ITGA2: variants seen among roughly 807,000 people sequenced by gnomAD.
ITGA2 encodes the protein integrin alpha-2.
Under a neutral mutation model 146.3 loss-of-function variants are expected in ITGA2, and 101 were observed. The ratio of observed to expected loss-of-function variants is 0.69; its 90% CI spans 0.59 to 0.81. The LOEUF is 0.81. Among genes scored for constraint, ITGA2 ranks in the 40% least tolerant of loss-of-function variants. ITGA2 has a pLI of 0.00. For missense variants in ITGA2, 1,281 were observed against 1,402.7 expected, an observed-to-expected ratio of 0.91 and a Z score of 1.39; for synonymous variants, 477 against 487.1, an observed-to-expected ratio of 0.98 and a Z score of 0.27.
At chr5:53,010,336 G>A (rs562455245) in intron 1 of ITGA2, among the ~76,000 whole-genome samples, 3 of 152,280 alleles carry the variant, frequency 2.0e-5, no homozygotes, top group South Asian at 2.1e-4. Flanking sequence ...ACAGAGGCTC[G>A]AACAACAGAG....
intron 4 of ITGA2, among the ~76,000 whole-genome samples, chr5:53,048,155 C>T (rs907221139): frequency 2.0e-5 from 3 of 152,188 alleles, no homozygotes; most frequent in African/African-American, 4.8e-5. Flanking sequence ...CTCCTCCTCC[C>T]GCAAGGCTTG....
intron 2 of ITGA2, among the ~76,000 whole-genome samples, chr5:53,029,301 C>T (rs765064804): frequency 4.6e-5 from 7 of 151,966 alleles, no homozygotes; most frequent in Non-Finnish European, 8.8e-5. Context: ...CAGCTCATTC[C>T]CTAGATTAAA....
At chr5:53,073,015 A>G in intron 19 of ITGA2, 103 bp from the exon 20 acceptor site, 1 of 1,160,384 alleles carries the variant, frequency 8.6e-7, no homozygotes, top group Non-Finnish European at 1.3e-6. Flanking sequence ...CAGTATTCTA[A>G]GTAAGTCTAA....
intron 1 of ITGA2, among the ~76,000 whole-genome samples, chr5:53,021,560 T>A (rs559802972): frequency 2.0e-5 from 3 of 152,302 alleles, no homozygotes; most frequent in African/African-American, 7.2e-5. Flanking sequence ...TGATCACTAT[T>A]GCACCACGGC....
rs183103067 is a variant in ITGA2 at position 53,087,152 on chromosome 5, C to G, written c.3348+111C>G. On this transcript the variant is annotated intron_variant, in intron 28 of 29. Coordinates refer to ENST00000296585, the MANE Select transcript of ITGA2 (RefSeq NM_002203.4). The stretch of plus-strand genomic sequence containing the variant: ...CCTACATGTATGTAGAAGTATCTTA[C>G]TAAAACTTTAAAGATCTGATGTTTA... 2.5e-5 allele frequency: 20 copies of G among 787,420 alleles called. No individual in the cohort carries two copies. The African/African-American group carries it at 3.1e-4, about 12-fold the overall frequency. The allele number at this position is 787,420 out of a possible 1,614,324, so 48.8% of individuals were successfully genotyped here.
intron 10 of ITGA2, 103 bp downstream of exon 10, chr5:53,058,204 G>GAAGGGCTGAT: frequency 3.5e-6 from 3 of 850,446 alleles, no homozygotes; most frequent in Non-Finnish European, 6.0e-6. Flanking sequence ...CTAGGGATCA[G>GAAGGGCTGAT]CCCTTCTGAT....
Position 53,064,922 on chromosome 5 carries a change from G to T in ITGA2, c.1613G>T (p.Gly538Val). The change falls in exon 14 of 30, where the codon GGT becomes GTT. Residue 538 changes from glycine (G) to valine (V), a missense_variant. Gly to Val is a moderately radical substitution (Grantham distance 109, BLOSUM62 -3). This residue lies in a region of ITGA2 where 795 missense variants were observed against 841.7 expected (regional missense o/e 0.94). Transcript: ENST00000296585. ...YLFTIKEGIL[G>V]QHQFLEGPEG... is the part of the protein sequence containing the mutation. ...TTTCCCCTTTGCAAGGGCATTTTGG[G>T]TCAGCACCAATTTCTTGAAGGCCCC... The T allele has an allele frequency of 6.2e-7, 1 of 1,612,600 alleles. No homozygotes were observed. The highest frequency in any genetic ancestry group is 8.5e-7 in the Non-Finnish European group (1 of 1,179,050).
intron 1 of ITGA2, among the ~76,000 whole-genome samples, 176 bp from the exon 2 acceptor site, chr5:53,026,571 TG>T (rs2111814958): frequency 6.6e-6 from 1 of 152,326 alleles, no homozygotes; most frequent in East Asian, 1.9e-4. Context: ...GTATTTAGCT[TG>T]GTGCCGGGCC....
At chr5:53,058,404 T>C (rs570353465) in intron 10 of ITGA2, among the ~76,000 whole-genome samples, 74 of 152,052 alleles carry the variant, frequency 4.9e-4, no homozygotes, top group Non-Finnish European at 6.0e-4. Flanking sequence ...TGCAGGAATT[T>C]TCTTTGAATC....
At chr5:53,039,362 C>A (rs900511257) in intron 2 of ITGA2, among the ~76,000 whole-genome samples, 5 of 152,128 alleles carry the variant, frequency 3.3e-5, no homozygotes, top group African/African-American at 9.7e-5. Flanking sequence ...GAGAAAGGAA[C>A]AGATGACACA....
chr5:53,070,342 G>A (rs1467652436), intron 17 of ITGA2, 82 bp downstream of exon 17: 2 of 1,414,038 alleles, frequency 1.4e-6, no homozygotes, highest in Admixed American at 3.4e-5. Context: ...GGAAGCTTAT[G>A]AGTTAGAAAA....
chr5:53,083,694 C>T (rs570905060), intron 27 of ITGA2, among the ~76,000 whole-genome samples: 23 of 152,266 alleles, frequency 1.5e-4, no homozygotes, highest in African/African-American at 4.8e-4. Context: ...AGACTCCATG[C>T]GACCTACCAC....
chr5:53,015,859 G>T (rs1242771062), intron 1 of ITGA2, among the ~76,000 whole-genome samples: 1 of 152,084 alleles, frequency 6.6e-6, no homozygotes, highest in Non-Finnish European at 1.5e-5. Flanking sequence ...TGTCCTTTCT[G>T]ATTGTTGTTG....
At chr5:53,065,260 T>A in intron 14 of ITGA2, 145 bp downstream of exon 14, 1 of 834,252 alleles carries the variant, frequency 1.2e-6, no homozygotes, top group Non-Finnish European at 2.0e-6. Flanking sequence ...GAGCCTCTAC[T>A]GTGTGCCCAA....
In ITGA2 at chr5:53,065,856, G is replaced by C. The variant is rs528179659; in HGVS notation, c.1822G>C (p.Asp608His). The change falls in exon 15 of 30, where the codon GAT becomes CAT. Residue 608 changes from aspartate (D) to histidine (H), a missense_variant. Asp to His is a moderately conservative substitution (Grantham distance 81). Coordinates refer to ENST00000296585, the MANE Select transcript of ITGA2 (RefSeq NM_002203.4). ...TKYSQKILGS[D>H]GAFRSHLQYF... is the part of the protein sequence containing the mutation. The stretch of plus-strand genomic sequence containing the variant: ...GCTCTTTTAGAAAATCTTGGGATCC[G>C]ATGGAGCCTTTAGGAGCCATCTCCA... 2 of 1,611,852 alleles carry C rather than the reference G, an allele frequency of 1.2e-6. No individual in the cohort carries two copies. The highest frequency in any genetic ancestry group is 1.3e-5 in the African/African-American group (1 of 74,844).
At chr5:53,033,268 CA>C (rs3836831) in intron 2 of ITGA2, among the ~76,000 whole-genome samples, 58,361 of 149,100 alleles carry the variant, frequency 0.39, 11,362 homozygotes, top group African/African-American at 0.44. Context: ...GATTCCATCT[CA>C]AAAAAAAAAC....
intron 23 of ITGA2, among the ~76,000 whole-genome samples, chr5:53,077,612 C>T (rs1361175558): frequency 6.6e-6 from 1 of 152,064 alleles, no homozygotes; most frequent in Non-Finnish European, 1.5e-5. Flanking sequence ...TTCATGCACA[C>T]ACATCCAAGC....
rs1740967512 is a variant in ITGA2 at position 52,991,799 on chromosome 5, T to C, written c.64+2267T>C. ...TACTCATAGTTTAGTCCTATATTTA[T>C]CACCTTTCAGTGCTCATTTCTAAGT... On this transcript the variant is annotated intron_variant, in intron 1 of 29. Coordinates refer to ENST00000296585, the MANE Select transcript of ITGA2 (RefSeq NM_002203.4). Among the ~76,000 whole-genome samples, 5 of 152,208 alleles carry C rather than the reference T, an allele frequency of 3.3e-5. No homozygotes were observed. In the South Asian group the frequency reaches 1.0e-3, roughly 32 times the overall value.
chr5:52,989,517 T>C lies in ITGA2; in HGVS notation c.49T>C (p.Leu17=). The C allele has an allele frequency of 6.2e-7, 1 of 1,613,344 alleles. No homozygotes were observed. Among genetic ancestry groups the C allele is most frequent in the African/African-American group, 1.3e-5 (1 of 74,840 alleles). Residue 17 remains leucine, a synonymous_variant, in exon 1 of 30, where the codon TTA becomes CTA. Transcript: ENST00000296585. ...GAAPLPLLLV[L]ALSQGILNCC... The stretch of plus-strand genomic sequence containing the variant: ...CGCGCCGCTGCCGCTGCTGCTGGTG[T>C]TAGCGCTCAGTCAAGGTAAGCGGGG...
Sources: gnomAD v4.1 joint callset for allele counts (sites outside exome capture counted in the v4.1 genomes callset) on GRCh38, gnomAD v4.1.1 for gene constraint, gnomAD v4.1.1 regional missense constraint, MANE v1.5 for transcripts, NCBI Gene and HGNC (gene_info 2026-07-23, HGNC 2026-07-21) for gene names.